COCH: variants seen among roughly 807,000 people sequenced by gnomAD.
COCH encodes the protein coagulation factor C homolog, cochlin (Limulus polyphemus).
A neutral mutation model predicts 54.8 loss-of-function variants in COCH; 40 were observed. The ratio of observed to expected loss-of-function variants is 0.73; its 90% confidence interval spans 0.57 to 0.95. The LOEUF (loss-of-function observed/expected upper bound fraction) is 0.95. Ranked by LOEUF, COCH falls within the 40% of genes least tolerant of loss-of-function variation. The pLI is 0.00. For missense variants in COCH, 605 were observed against 675.0 expected (o/e 0.90, Z 1.15); for synonymous variants, 256 against 237.9 (o/e 1.08, Z -0.70).
intron 11 of COCH, among the ~76,000 whole-genome samples, chr14:30,886,541 G>T (rs1357454243): frequency 6.6e-6 from 1 of 152,168 alleles, no homozygotes; most frequent in African/African-American, 2.4e-5. Flanking sequence ...CAGGCATTCT[G>T]GCTCCAGAGT....
rs1423890937 is a variant in COCH, at chr14:30,877,522, GC to G, written c.83-46del. 6.2e-7 allele frequency: 1 copy of G among 1,606,746 alleles called. No homozygotes were observed. Among genetic ancestry groups the G allele is most frequent in the African/African-American group, 1.3e-5 (1 of 74,954 alleles). The stretch of plus-strand genomic sequence containing the variant: ...CACACTGTAGTCTCCCCACCACTAT[GC>G]CCCAAGAAGTCCTAAGAATGCTTAC... On this transcript the variant is annotated intron_variant, in intron 3 of 11. Coordinates refer to ENST00000396618, the MANE Select transcript of COCH (RefSeq NM_004086.3). This position sits in a 1 kb window ranked among gnomAD's most constrained non-coding sequence, Gnocchi z 8.6.
Position 30,877,672 on chromosome 14 carries a change from G to A in COCH, c.183G>A (p.Val61=). 1 of 1,614,230 alleles carries A rather than the reference G, an allele frequency of 6.2e-7. No homozygotes were observed. The change falls in exon 4 of 12, where the codon GTG becomes GTA. Residue 61 remains valine (V), a synonymous_variant. Coordinates refer to ENST00000396618, the MANE Select transcript of COCH (RefSeq NM_004086.3). The surrounding 1 kb of genome is among the most constrained non-coding windows in gnomAD (Gnocchi z 8.6). ...GCTGCCCTCTTGAGGAATTCTCTGTGTATGGGAACATAGTATATGCTTCTG... is the reference window on the plus strand; with the variant it reads ...GCTGCCCTCTTGAGGAATTCTCTGTATATGGGAACATAGTATATGCTTCTG... ...PGGCPLEEFS[V]YGNIVYASVS... is the part of the protein sequence containing the mutation.
At chr14:30,875,823 C>CGCAACTAAAGGCGG (rs1566405525) in intron 3 of COCH, 2 of 152,422 alleles carry the variant, frequency 1.3e-5, no homozygotes, top group Non-Finnish European at 2.9e-5. Context: ...AGTCAGTGTT[C>CGCAACTAAAGGCGG]GCAACTAAAG....
At chr14:30,884,777 T>C (rs1895724583) in intron 9 of COCH, 121 bp downstream of exon 9, 3 of 1,279,632 alleles carry the variant, frequency 2.3e-6, no homozygotes. Context: ...ACTGAAATCT[T>C]GGCTAGGTCT....
At chr14:30,895,513 G>T, downstream of COCH, 1 of 1,614,072 alleles carries the variant, frequency 6.2e-7, no homozygotes, top group Non-Finnish European at 8.5e-7. Context: ...ATTTCTTTCT[G>T]TGAGCTGTTA....
chr14:30,876,956 G>A (rs1007743075), intron 3 of COCH, among the ~76,000 whole-genome samples: 4 of 151,834 alleles, frequency 2.6e-5, no homozygotes, highest in Non-Finnish European at 4.4e-5. Flanking sequence ...GCACCACCAC[G>A]TGTGGCCATT....
rs1895281159 is a variant in COCH at position 30,874,573 on chromosome 14, C to A, written c.-42C>A. On this transcript the variant is annotated 5_prime_UTR_variant, in exon 1 of 12. Transcript: ENST00000396618. Reference sequence around the variant, plus strand: ...CCTTGCCTTCCGCACTCGGGCGCAGCCGGGTGGATCTCGAGCAGGTGCGGA... The same window carrying A: ...CCTTGCCTTCCGCACTCGGGCGCAGACGGGTGGATCTCGAGCAGGTGCGGA... 2.3e-6 allele frequency: 1 copy of A among 437,122 alleles called. No individual in the cohort carries two copies. The highest frequency in any genetic ancestry group is 4.2e-6 in the Non-Finnish European group (1 of 239,028). The allele number at this position is 437,122 out of a possible 1,614,324, so 27.1% of individuals were successfully genotyped here. A position where few individuals can be genotyped will look rare whatever the true frequency, so the allele number is the denominator to read the frequency against.
Position 30,877,389 on chromosome 14 carries a change from T to C in COCH, c.83-183T>C. 10 of 678,394 alleles carry C rather than the reference T, an allele frequency of 1.5e-5. 1 individual carries two copies. The South Asian group carries it at 1.9e-4, about 13-fold the overall frequency. 42.0% of individuals were successfully genotyped at this position (678,394 alleles called of 1,614,324 possible). On this transcript the variant is annotated intron_variant, in intron 3 of 11. Transcript: ENST00000396618. The surrounding 1 kb of genome is among the most constrained non-coding windows in gnomAD (Gnocchi z 8.6). ...TATAGTGGCTGGGGACTATATTAAA[T>C]TGGAAAACAACCTTGTGGCTTGCCA...
chr14:30,884,826 G>A (rs756573397), intron 9 of COCH, 170 bp downstream of exon 9: 176 of 1,405,262 alleles, frequency 1.3e-4, no homozygotes, highest in Non-Finnish European at 1.6e-4. Flanking sequence ...ATTTATAATG[G>A]AAGTATACCA....
At chr14:30,884,285 C>T (rs573274244) in intron 8 of COCH, among the ~76,000 whole-genome samples, 37 of 152,318 alleles carry the variant, frequency 2.4e-4, no homozygotes, top group African/African-American at 8.7e-4. Flanking sequence ...CCTTATAGAG[C>T]TATGATGAAA....
chr14:30,885,156 G>A, intron 9 of COCH: 1 of 1,349,870 alleles, frequency 7.4e-7, no homozygotes, highest in South Asian at 1.4e-5. Flanking sequence ...GCTTCTAGGA[G>A]GTGGAGGGGG....
chr14:30,874,896 G>T lies in COCH; in HGVS notation c.-23-20G>T, dbSNP rs374605538. On this transcript the variant is annotated intron_variant, in intron 1 of 11. Transcript: ENST00000396618. The stretch of plus-strand genomic sequence containing the variant: ...GGCCTCCCGCACCCTGGCCTTGCCC[G>T]CATTCTCCCTCTCTCCCAGGTGTGA... The T allele has an allele frequency of 1.2e-6, 2 of 1,610,792 alleles. No homozygotes were observed. The highest frequency in any genetic ancestry group is 1.7e-6 in the Non-Finnish European group (2 of 1,177,676).
In COCH at chr14:30,889,684, C is replaced by T. The variant is rs917460112; in HGVS notation, c.1546C>T (p.Pro516Ser). 6.2e-7 allele frequency: 1 copy of T among 1,613,754 alleles called. No homozygotes were observed. The highest frequency in any genetic ancestry group is 1.3e-5 in the African/African-American group (1 of 74,888). Residue 516 changes from proline to serine, a missense_variant, in exon 12 of 12, where the codon CCG becomes TCG. Transcript: ENST00000396618. ...LDDLKDMASK[P>S]KESHAFFTRE... Reference sequence around the variant, plus strand: ...TGACCTGAAAGATATGGCTTCTAAACCGAAGGAGTCTCATGCTTTCTTCAC... The same window carrying T: ...TGACCTGAAAGATATGGCTTCTAAATCGAAGGAGTCTCATGCTTTCTTCAC...
chr14:30,880,321 T>G, intron 6 of COCH, 131 bp from the exon 7 acceptor site: 3 of 1,372,552 alleles, frequency 2.2e-6, no homozygotes, highest in Non-Finnish European at 3.0e-6. Flanking sequence ...CAGAAAATCC[T>G]GAGGAAATTA....
At chr14:30,883,212 CA>C (rs1395721664) in intron 8 of COCH, among the ~76,000 whole-genome samples, 5 of 152,018 alleles carry the variant, frequency 3.3e-5, no homozygotes, top group Admixed American at 3.3e-4. Flanking sequence ...CTAATCCTTA[CA>C]TATTTTTTTC....
rs1566406972 is a variant in COCH, at chr14:30,877,738, A to C, written c.239+10A>C. ...GGGCTGCTGTCCACAGGTAAGCCCA[A>C]ACACACCAGGGTGGGAGAGAAATGC... On this transcript the variant is annotated intron_variant, in intron 4 of 11. Transcript: ENST00000396618. This position sits in a 1 kb window ranked among gnomAD's most constrained non-coding sequence, Gnocchi z 8.6. 1 of 1,614,134 alleles carries C rather than the reference A, an allele frequency of 6.2e-7. No individual in the cohort carries two copies. Among genetic ancestry groups the C allele is most frequent in the Admixed American group, 1.7e-5 (1 of 60,026 alleles).
Position 30,890,279 on chromosome 14 carries a change from ATAGC to A in COCH, c.*495_*498del, listed in dbSNP as rs900686615. On this transcript the variant is annotated 3_prime_UTR_variant, in exon 12 of 12. Coordinates refer to ENST00000396618, the MANE Select transcript of COCH (RefSeq NM_004086.3). ...GATATTTTCTTAAAACCAATCAATA[ATAGC>A]TAGCTATTACTGCAGACTATAAAAT... The A allele has an allele frequency of 3.7e-5, 36 of 985,032 alleles. No individual in the cohort carries two copies. Among genetic ancestry groups the A allele is most frequent in the African/African-American group, 7.1e-5 (4 of 56,126 alleles). 61.0% of individuals were successfully genotyped at this position (985,032 alleles called of 1,614,324 possible).
intron 6 of COCH, among the ~76,000 whole-genome samples, chr14:30,879,926 G>T (rs1198692658): frequency 2.0e-5 from 3 of 152,058 alleles, no homozygotes; most frequent in South Asian, 2.1e-4. Context: ...GCCTCCCAAA[G>T]TTCAGGGATT....
downstream of COCH, among the ~76,000 whole-genome samples, chr14:30,893,635 G>C (rs1896051809): frequency 6.6e-6 from 1 of 152,020 alleles, no homozygotes; most frequent in Non-Finnish European, 1.5e-5. Flanking sequence ...GCATTTCTGG[G>C]GGTTATTTTG....
Sources: gnomAD v4.1 joint callset for allele counts (sites outside exome capture counted in the v4.1 genomes callset) on GRCh38, gnomAD v4.1.1 for gene constraint, Gnocchi (gnomAD v3.1) non-coding constraint, MANE v1.5 for transcripts, NCBI Gene and HGNC (gene_info 2026-07-23, HGNC 2026-07-21) for gene names.